SMOC2: variants seen among roughly 807,000 people sequenced by gnomAD.
The protein encoded by SMOC2 is SPARC-related modular calcium-binding protein 2.
Under a neutral mutation model 61.4 loss-of-function variants are expected in SMOC2, and 39 were observed. The ratio of observed to expected loss-of-function variants is 0.64; its 90% CI spans 0.49 to 0.83. The LOEUF is 0.83. SMOC2 is among the 40% of genes least tolerant of loss of function. The probability of loss-of-function intolerance (pLI) is 0.00; values close to 1 mark genes in which losing one functional copy is unlikely to be tolerated. For synonymous variants in SMOC2, 247 were observed against 239.9 expected, an observed-to-expected ratio of 1.03 and a Z score of -0.27; for missense variants, 556 against 592.9, an observed-to-expected ratio of 0.94 and a Z score of 0.65.
chr6:168,457,777 G>A (rs1202460604), intron 1 of SMOC2, among the ~76,000 whole-genome samples: 2 of 152,156 alleles, frequency 1.3e-5, no homozygotes, highest in Non-Finnish European at 2.9e-5. Context: ...GCTCGGCGAA[G>A]GCCTGGAATT....
intron 9 of SMOC2, among the ~76,000 whole-genome samples, chr6:168,621,395 A>G (rs1456900057): frequency 1.3e-5 from 2 of 152,248 alleles, no homozygotes; most frequent in Non-Finnish European, 2.9e-5. Flanking sequence ...AACACACATT[A>G]TCTGCCATGA....
In SMOC2 at chr6:168,519,224, T is replaced by A. The variant is rs372825878; in HGVS notation, c.257-7122T>A. On this transcript the variant is annotated intron_variant, in intron 2 of 12. Transcript: ENST00000356284. ...GTGTATGCATGCGTGTGTGAGAGAG[T>A]GTGTATACGTGCATGTTTGTGTGTT... is the stretch of plus-strand genomic sequence containing the variant. 7.3e-4 allele frequency among the ~76,000 whole-genome samples: 108 copies of A among 148,866 alleles called. 1 individual carries two copies. In the Middle Eastern group the frequency reaches 0.01, roughly 14 times the overall value.
In SMOC2 at chr6:168,535,958, C is replaced by T. The variant is rs542025722; in HGVS notation, c.464-7667C>T. The stretch of plus-strand genomic sequence containing the variant: ...CGTGAGGAATAACGCAGCAGCCATG[C>T]AGCTTCACGGCACAGGGGCCCGGCC... On this transcript the variant is annotated intron_variant, in intron 4 of 12. Transcript: ENST00000356284. The surrounding 1 kb of genome is among the most constrained non-coding windows in gnomAD (Gnocchi z 4.6). 3.9e-5 allele frequency among the ~76,000 whole-genome samples: 6 copies of T among 152,370 alleles called. No individual in the cohort carries two copies. The South Asian group carries it at 1.2e-3, about 32-fold the overall frequency.
intron 7 of SMOC2, among the ~76,000 whole-genome samples, chr6:168,579,083 C>T (rs1784869544): frequency 6.6e-6 from 1 of 152,202 alleles, no homozygotes; most frequent in Non-Finnish European, 1.5e-5. Context: ...GGGAAACAGG[C>T]TTTAAAAGGT....
In SMOC2 at chr6:168,504,863, T is replaced by G. The variant is rs184902865; in HGVS notation, c.85-5052T>G. ...ACTATTTAATACATTCAGTTTAAGCTGGGTCTGACTTTTGAGCTAACTGGA... is the reference window on the plus strand; with the variant it reads ...ACTATTTAATACATTCAGTTTAAGCGGGGTCTGACTTTTGAGCTAACTGGA... On this transcript the variant is annotated intron_variant, in intron 1 of 12. Transcript: ENST00000356284. 1.8e-4 allele frequency among the ~76,000 whole-genome samples: 27 copies of G among 152,312 alleles called. No homozygotes were observed. The East Asian group carries it at 4.8e-3, about 27-fold the overall frequency.
At chr6:168,522,477 T>G (rs1468072070) in intron 2 of SMOC2, among the ~76,000 whole-genome samples, 1 of 152,330 alleles carries the variant, frequency 6.6e-6, no homozygotes, top group East Asian at 1.9e-4. Flanking sequence ...AAACAAAATA[T>G]GGTCCATCTG....
At chr6:168,451,457 A>C (rs929398419) in intron 1 of SMOC2, among the ~76,000 whole-genome samples, 1 of 152,168 alleles carries the variant, frequency 6.6e-6, no homozygotes, top group South Asian at 2.1e-4. Context: ...TGTAAGAATA[A>C]AAAACCCACT....
At chr6:168,591,846 C>T (rs1332579191) in intron 7 of SMOC2, among the ~76,000 whole-genome samples, 2 of 151,766 alleles carry the variant, frequency 1.3e-5, no homozygotes, top group Non-Finnish European at 2.9e-5. Context: ...ATATTTTCAT[C>T]TAATATATTA....
chr6:168,444,933 C>T (rs1040248843), intron 1 of SMOC2, among the ~76,000 whole-genome samples: 1 of 152,182 alleles, frequency 6.6e-6, no homozygotes, highest in African/African-American at 2.4e-5. Context: ...CCAAAGTATT[C>T]ATTCCCATGT....
At chr6:168,446,926 T>G (rs964105235) in intron 1 of SMOC2, among the ~76,000 whole-genome samples, 1 of 152,262 alleles carries the variant, frequency 6.6e-6, no homozygotes, top group Admixed American at 6.5e-5. Context: ...TTTTGATTTT[T>G]ATTATGTATG....
At chr6:168,628,111 C>T (rs919440245) in intron 9 of SMOC2, among the ~76,000 whole-genome samples, 1 of 152,258 alleles carries the variant, frequency 6.6e-6, no homozygotes, top group African/African-American at 2.4e-5. Context: ...CCTGGGCGCG[C>T]CTGTGGCCCC....
At position 168,553,105 on chromosome 6, in the gene SMOC2, C is replaced by T. The variant is rs114884114; in HGVS notation, c.637+3902C>T. ...ATAACTGGAAAAGAGAGAATCTAGG[C>T]ACCCCTAGAGGTTGCCTATTAGACT... On this transcript the variant is annotated intron_variant, in intron 7 of 12. Transcript: ENST00000356284. This position sits in a 1 kb window ranked among gnomAD's most constrained non-coding sequence, Gnocchi z 4.2. Among the ~76,000 whole-genome samples, 199 of 152,246 alleles carry T rather than the reference C, an allele frequency of 1.3e-3. No homozygotes were observed. Among genetic ancestry groups the T allele is most frequent in the African/African-American group, 4.6e-3 (190 of 41,540 alleles).
At position 168,666,609 on chromosome 6, in the gene SMOC2, G is replaced by C; in HGVS notation, c.*171G>C. On this transcript the variant is annotated 3_prime_UTR_variant, in exon 13 of 13. Transcript: ENST00000356284. ...CAGACTGTTTTAATCTGTGAAAATGGAGAGCTGGCTTCAGAAAATTAATCA... is the reference window on the plus strand; with the variant it reads ...CAGACTGTTTTAATCTGTGAAAATGCAGAGCTGGCTTCAGAAAATTAATCA... The C allele has an allele frequency of 1.4e-6, 1 of 719,768 alleles. No homozygotes were observed. Among genetic ancestry groups the C allele is most frequent in the Non-Finnish European group, 2.3e-6 (1 of 428,584 alleles). The allele number at this position is 719,768 out of a possible 1,614,324, so 44.6% of individuals were successfully genotyped here. A position where few individuals can be genotyped will look rare whatever the true frequency, so the allele number is the denominator to read the frequency against.
chr6:168,504,682 C>T (rs1782819320), intron 1 of SMOC2, among the ~76,000 whole-genome samples: 1 of 152,284 alleles, frequency 6.6e-6, no homozygotes, highest in African/African-American at 2.4e-5. Flanking sequence ...CTCTGAGCCA[C>T]TCAGGCACCT....
chr6:168,608,327 C>T (rs773564579), intron 9 of SMOC2, 88 bp downstream of exon 9: 14 of 1,403,814 alleles, frequency 1.0e-5, no homozygotes, highest in Non-Finnish European at 1.4e-5. Flanking sequence ...CTTTATCTGA[C>T]TCTGTTTCCC....
At chr6:168,512,730 G>A (rs1434360178) in intron 2 of SMOC2, among the ~76,000 whole-genome samples, 1 of 152,128 alleles carries the variant, frequency 6.6e-6, no homozygotes, top group African/African-American at 2.4e-5. Flanking sequence ...CTGGGCTCTG[G>A]ACACTCATCT....
chr6:168,599,025 C>G (rs754789089), intron 8 of SMOC2, 21 bp downstream of exon 8: 1 of 1,552,226 alleles, frequency 6.4e-7, no homozygotes, highest in Admixed American at 1.9e-5. Flanking sequence ...TGCACCCACC[C>G]CCCCCGGGAC....
chr6:168,441,550 C>T, intron 1 of SMOC2, 96 bp downstream of exon 1: 2 of 1,356,316 alleles, frequency 1.5e-6, no homozygotes, highest in South Asian at 1.8e-5. Context: ...GCCCAGGCGC[C>T]TGGGCACGGG....
chr6:168,647,684 A>G (rs1787074910), intron 9 of SMOC2, among the ~76,000 whole-genome samples: 2 of 152,184 alleles, frequency 1.3e-5, no homozygotes, highest in African/African-American at 4.8e-5. Context: ...TTTTCACTTC[A>G]TGGTACTTCT....
Sources: allele counts gnomAD v4.1 joint callset (sites outside exome capture counted in the v4.1 genomes callset), GRCh38; gene constraint gnomAD v4.1.1; non-coding constraint Gnocchi (gnomAD v3.1); transcripts MANE v1.5; gene names NCBI Gene and HGNC (gene_info 2026-07-23, HGNC 2026-07-21).